The following EBF1 variants were observed in gnomAD, a reference collection of about 807,000 sequenced individuals.
The protein encoded by EBF1 is EBF transcription factor 1.
A neutral mutation model predicts 68.4 loss-of-function variants in EBF1; 10 were observed. The ratio of observed to expected loss-of-function variants is 0.15; its 90% CI spans 0.09 to 0.25. The LOEUF (loss-of-function observed/expected upper bound fraction) is 0.25. Ranked by LOEUF, EBF1 falls within the 10% of genes least tolerant of loss-of-function variation. The pLI, the probability that EBF1 is intolerant of heterozygous loss-of-function variation, is 1.00. For synonymous variants in EBF1, 298 were observed against 299.8 expected (o/e 0.99, Z 0.06); for missense variants, 509 against 794.4 (o/e 0.64, Z 4.32).
At chr5:158,998,832 C>G (rs1761961809) in intron 6 of EBF1, among the ~76,000 whole-genome samples, 1 of 152,170 alleles carries the variant, frequency 6.6e-6, no homozygotes, top group South Asian at 2.1e-4. Context: ...GCTTACCACA[C>G]TTTGGGAAGT....
intron 6 of EBF1, among the ~76,000 whole-genome samples, chr5:158,911,232 G>T (rs764579174): frequency 6.6e-6 from 1 of 152,148 alleles, no homozygotes; most frequent in Non-Finnish European, 1.5e-5. Context: ...CACCCATTTT[G>T]TACAAAATGC....
At chr5:158,727,996 T>C (rs1175270468) in intron 11 of EBF1, among the ~76,000 whole-genome samples, 3 of 152,166 alleles carry the variant, frequency 2.0e-5, no homozygotes. Context: ...TTTTTTAAGG[T>C]GTGTGGTCCA....
chr5:158,871,055 C>G (rs894945936), intron 6 of EBF1, among the ~76,000 whole-genome samples: 1 of 152,182 alleles, frequency 6.6e-6, no homozygotes, highest in African/African-American at 2.4e-5. Context: ...AAAAAATACT[C>G]TCTAATAGTG....
At chr5:158,920,262 T>C (rs1308182996) in intron 6 of EBF1, among the ~76,000 whole-genome samples, 1 of 152,176 alleles carries the variant, frequency 6.6e-6, no homozygotes. Flanking sequence ...GAAGCTGAGT[T>C]AGGGACATGC....
At chr5:158,999,043 C>A (rs1311590983) in intron 6 of EBF1, among the ~76,000 whole-genome samples, 1 of 151,816 alleles carries the variant, frequency 6.6e-6, no homozygotes, top group South Asian at 2.1e-4. Flanking sequence ...GAATGAACCT[C>A]AAGCACACAC....
chr5:158,798,921 A>G (rs1359881270), intron 8 of EBF1, among the ~76,000 whole-genome samples: 2 of 152,152 alleles, frequency 1.3e-5, no homozygotes, highest in African/African-American at 4.8e-5. Context: ...CTTCGAGACT[A>G]TATGCCATTC....
intron 6 of EBF1, among the ~76,000 whole-genome samples, chr5:158,886,508 G>A (rs1287113548): frequency 1.3e-5 from 2 of 152,156 alleles, no homozygotes; most frequent in African/African-American, 4.8e-5. Flanking sequence ...TCACCGCATG[G>A]AACTCCAATC....
intron 6 of EBF1, among the ~76,000 whole-genome samples, chr5:158,948,487 G>T (rs1815311174): frequency 6.6e-6 from 1 of 152,182 alleles, no homozygotes; most frequent in Non-Finnish European, 1.5e-5. Flanking sequence ...CCTTGGGTGT[G>T]TTATTTTTAT....
At chr5:159,060,432 A>AT (rs1407755664) in intron 6 of EBF1, among the ~76,000 whole-genome samples, 16 of 152,210 alleles carry the variant, frequency 1.1e-4, no homozygotes, top group African/African-American at 3.9e-4. Context: ...TAAAGTTGCT[A>AT]TTTTTTAATT....
intron 8 of EBF1, among the ~76,000 whole-genome samples, chr5:158,805,035 C>T (rs1017668121): frequency 3.3e-5 from 5 of 152,078 alleles, no homozygotes; most frequent in Admixed American, 3.3e-4. Context: ...ACAAGGAGAA[C>T]TTTTATGCAC....
intron 6 of EBF1, among the ~76,000 whole-genome samples, chr5:158,848,908 G>C (rs958907114): frequency 1.3e-5 from 2 of 152,134 alleles, no homozygotes; most frequent in Admixed American, 1.3e-4. Flanking sequence ...AGTTCTGCCT[G>C]GATGCTCAAC....
intron 6 of EBF1, among the ~76,000 whole-genome samples, chr5:158,871,599 T>A (rs1796881076): frequency 6.6e-6 from 1 of 152,218 alleles, no homozygotes; most frequent in South Asian, 2.1e-4. Context: ...GCTCTGACTT[T>A]ATAAAACCCC....
At chr5:158,941,971 A>T (rs1343767899) in intron 6 of EBF1, among the ~76,000 whole-genome samples, 1 of 152,260 alleles carries the variant, frequency 6.6e-6, no homozygotes, top group Non-Finnish European at 1.5e-5. Context: ...ATATGTCTTT[A>T]GTAGTTTTCT....
In EBF1 at chr5:158,696,495, A is replaced by G. The variant is rs947542743; in HGVS notation, c.*2616T>C. ...TTCCCGGCTGACCGTTCATTCCTTC[A>G]GAAACAGTTAAGGGGCTCACCAGAT... On this transcript the variant is annotated 3_prime_UTR_variant, in exon 16 of 16. Coordinates refer to ENST00000313708, the MANE Select transcript of EBF1 (RefSeq NM_024007.5). The G allele has an allele frequency of 3.1e-5, 7 of 224,290 alleles. No individual in the cohort carries two copies. The highest frequency in any genetic ancestry group is 1.6e-4 in the African/African-American group (7 of 44,746). 13.9% of individuals were successfully genotyped at this position (224,290 alleles called of 1,614,324 possible).
At chr5:158,838,693 C>T (rs1789443362) in intron 7 of EBF1, among the ~76,000 whole-genome samples, 2 of 152,014 alleles carry the variant, frequency 1.3e-5, no homozygotes, top group South Asian at 2.1e-4. Flanking sequence ...TCCTTTTTCC[C>T]ATCAGAGAAT....
chr5:158,826,263 ATC>A (rs6149308), intron 7 of EBF1, among the ~76,000 whole-genome samples: 33,191 of 152,158 alleles, frequency 0.22, 4,699 homozygotes, highest in South Asian at 0.48. Context: ...ATTTCACGAT[ATC>A]TGTTATAATT....
intron 6 of EBF1, among the ~76,000 whole-genome samples, chr5:158,971,202 G>A (rs1755579762): frequency 6.6e-6 from 1 of 152,212 alleles, no homozygotes; most frequent in Non-Finnish European, 1.5e-5. Context: ...CCTGATTCTT[G>A]CAAGAAGAAT....
Position 159,099,278 on chromosome 5 carries a change from G to T in EBF1, c.134+67C>A, listed in dbSNP as rs868052100. On this transcript the variant is annotated intron_variant, in intron 1 of 15. Transcript: ENST00000313708. ...CGCGGCAGCAGCTGCCGCTGCCGCTGCCGCCTCCGCCTCCCGGCTCTCCCG... is the reference window on the plus strand; with the variant it reads ...CGCGGCAGCAGCTGCCGCTGCCGCTTCCGCCTCCGCCTCCCGGCTCTCCCG... The T allele has an allele frequency of 1.9e-5, 17 of 885,712 alleles. No individual in the cohort carries two copies. In the South Asian group the frequency reaches 4.2e-4, roughly 22 times the overall value. 54.9% of individuals were successfully genotyped at this position (885,712 alleles called of 1,614,324 possible).
At chr5:158,916,527 G>T (rs748128632) in intron 6 of EBF1, among the ~76,000 whole-genome samples, 1 of 152,074 alleles carries the variant, frequency 6.6e-6, no homozygotes, top group Non-Finnish European at 1.5e-5. Context: ...ACTTAAGGTG[G>T]CCCTGGAAGT....
Sources: allele counts gnomAD v4.1 joint callset (sites outside exome capture counted in the v4.1 genomes callset), GRCh38; gene constraint gnomAD v4.1.1; transcripts MANE v1.5; gene names NCBI Gene and HGNC (gene_info 2026-07-23, HGNC 2026-07-21).